CSMD3: variants seen among roughly 807,000 people sequenced by gnomAD.
CSMD3 encodes CUB and sushi domain-containing protein 3.
Under a neutral mutation model 435.2 loss-of-function variants are expected in CSMD3, and 177 were observed. That is an observed-to-expected ratio of 0.41 (90% CI 0.36 to 0.46). The LOEUF (loss-of-function observed/expected upper bound fraction) is 0.46, where lower values mean the gene tolerates loss of function less well. CSMD3 is among the 20% of genes least tolerant of loss of function. The probability of loss-of-function intolerance (pLI) is 0.34; values close to 1 mark genes in which losing one functional copy is unlikely to be tolerated. For synonymous variants in CSMD3, 1,656 were observed against 1,520.5 expected, an observed-to-expected ratio of 1.09 and a Z score of -2.07; for missense variants, 4,265 against 4,504.6, an observed-to-expected ratio of 0.95 and a Z score of 1.52.
intron 9 of CSMD3, among the ~76,000 whole-genome samples, chr8:112,935,929 A>G (rs1011939035): frequency 6.6e-6 from 1 of 152,110 alleles, no homozygotes; most frequent in African/African-American, 2.4e-5. Flanking sequence ...AGTGGCTTGC[A>G]TTAGGAAGGT....
chr8:112,983,378 A>G (rs144448507), intron 6 of CSMD3, among the ~76,000 whole-genome samples: 59 of 151,752 alleles, frequency 3.9e-4, no homozygotes, highest in African/African-American at 1.2e-3. Flanking sequence ...TGCCTAAAAT[A>G]TACATAAGCC....
chr8:113,292,034 A>G (rs2093689935), intron 2 of CSMD3, among the ~76,000 whole-genome samples: 1 of 151,786 alleles, frequency 6.6e-6, no homozygotes, highest in African/African-American at 2.4e-5. Context: ...GCATTTTACC[A>G]TATTTTATAA....
chr8:112,663,551 G>T (rs1414916332), intron 17 of CSMD3, among the ~76,000 whole-genome samples: 1 of 151,750 alleles, frequency 6.6e-6, no homozygotes, highest in Non-Finnish European at 1.5e-5. Flanking sequence ...ACAAGTTAAT[G>T]GGTGCAGCAT....
At position 113,075,847 on chromosome 8, in the gene CSMD3, G is replaced by A. The variant is rs556526476; in HGVS notation, c.917+22909C>T. On this transcript the variant is annotated intron_variant, in intron 5 of 70. Transcript: ENST00000297405. Reference sequence around the variant, plus strand: ...TGTTATAAATAATAATATACTTAAAGAATGCACCAGTGATATCCTGCAAAG... The same window carrying A: ...TGTTATAAATAATAATATACTTAAAAAATGCACCAGTGATATCCTGCAAAG... Among the ~76,000 whole-genome samples the A allele has an allele frequency of 1.3e-4, 20 of 151,784 alleles. No individual in the cohort carries two copies. In the East Asian group the frequency reaches 3.9e-3, roughly 29 times the overall value.
intron 38 of CSMD3, among the ~76,000 whole-genome samples, chr8:112,357,849 T>C (rs1484712492): frequency 6.6e-6 from 1 of 152,112 alleles, no homozygotes; most frequent in East Asian, 1.9e-4. Context: ...GATAGGGTAG[T>C]GTGGAAGGGA....
At position 112,552,725 on chromosome 8, in the gene CSMD3, T is replaced by TA. The variant is rs752300047; in HGVS notation, c.4235-6dup. 3.1e-6 allele frequency: 5 copies of TA among 1,609,630 alleles called. No homozygotes were observed. In the African/African-American group the frequency reaches 5.3e-5, roughly 17 times the overall value. ...TAAAACGACCTCCACATTCAGCTGATAAAAAATAATAGAAATTTAAGCCAC... is the reference window on the plus strand; with the variant it reads ...TAAAACGACCTCCACATTCAGCTGATAAAAAAATAATAGAAATTTAAGCCAC... On this transcript the variant is annotated splice_polypyrimidine_tract_variant and splice_region_variant and intron_variant, in intron 25 of 70. Transcript: ENST00000297405.
intron 6 of CSMD3, among the ~76,000 whole-genome samples, chr8:113,010,966 T>C (rs953023854): frequency 6.6e-6 from 1 of 151,674 alleles, no homozygotes; most frequent in African/African-American, 2.4e-5. Flanking sequence ...TTCTTTATAC[T>C]TTCCTGCTGT....
At chr8:113,029,155 A>ATT (rs2131226336) in intron 5 of CSMD3, among the ~76,000 whole-genome samples, 1 of 151,650 alleles carries the variant, frequency 6.6e-6, no homozygotes, top group African/African-American at 2.4e-5. Context: ...GTACTCAAAA[A>ATT]TAGTCCAGGA....
Position 112,732,044 on chromosome 8 carries a change from C to T in CSMD3, c.1973-41994G>A, listed in dbSNP as rs192529941. Among the ~76,000 whole-genome samples the T allele has an allele frequency of 2.0e-5, 3 of 151,846 alleles. No individual in the cohort carries two copies. In the East Asian group the frequency reaches 5.8e-4, roughly 29 times the overall value. On this transcript the variant is annotated intron_variant, in intron 13 of 70. Coordinates refer to ENST00000297405, the MANE Select transcript of CSMD3 (RefSeq NM_198123.2). Reference sequence around the variant, plus strand: ...TAGTCGTGTTGATTAATTTAAAAGGCATTGTGTGAGTGTGTGTGTGTGTAT... The same window carrying T: ...TAGTCGTGTTGATTAATTTAAAAGGTATTGTGTGAGTGTGTGTGTGTGTAT...
chr8:112,573,384 A>G (rs901785971), intron 24 of CSMD3, 117 bp downstream of exon 24: 140 of 922,214 alleles, frequency 1.5e-4, no homozygotes, highest in Admixed American at 5.9e-4. Flanking sequence ...TATATGTAGA[A>G]AGGAGCTGTA....
chr8:112,572,311 A>C (rs1430661493), intron 24 of CSMD3, among the ~76,000 whole-genome samples: 1 of 152,122 alleles, frequency 6.6e-6, no homozygotes, highest in Non-Finnish European at 1.5e-5. Context: ...TTGTTAATTT[A>C]TGTTTAGTTA....
chr8:113,043,214 A>G (rs777957449), intron 5 of CSMD3, among the ~76,000 whole-genome samples: 3 of 152,174 alleles, frequency 2.0e-5, no homozygotes, highest in Non-Finnish European at 4.4e-5. Context: ...TCTAACTTAT[A>G]TTTATGTCTT....
intron 6 of CSMD3, among the ~76,000 whole-genome samples, chr8:112,996,624 G>A (rs1008811007): frequency 6.6e-6 from 1 of 151,574 alleles, no homozygotes; most frequent in African/African-American, 2.4e-5. Context: ...ATATTTTGAA[G>A]AGAGTTTTGA....
At chr8:112,678,096 T>C (rs533402256) in intron 16 of CSMD3, among the ~76,000 whole-genome samples, 2 of 152,282 alleles carry the variant, frequency 1.3e-5, no homozygotes, top group South Asian at 2.1e-4. Flanking sequence ...ATTGGGAGGG[T>C]AGCCTGCTTC....
intron 10 of CSMD3, among the ~76,000 whole-genome samples, chr8:112,917,711 C>T (rs989196553): frequency 1.3e-5 from 2 of 151,770 alleles, no homozygotes; most frequent in Non-Finnish European, 2.9e-5. Context: ...GTGATAGTTG[C>T]CGTATTGGAA....
chr8:112,996,098 C>A (rs987234259), intron 6 of CSMD3, among the ~76,000 whole-genome samples: 2 of 151,318 alleles, frequency 1.3e-5, no homozygotes, highest in Non-Finnish European at 3.0e-5. Flanking sequence ...ATATACTTGT[C>A]ATTTTATGTG....
chr8:112,818,721 T>C (rs1186910847), intron 12 of CSMD3, among the ~76,000 whole-genome samples: 2 of 152,184 alleles, frequency 1.3e-5, no homozygotes, highest in Non-Finnish European at 2.9e-5. Context: ...GTTTAACTCT[T>C]GCTCAGGAAT....
chr8:112,476,015 A>G (rs1168876749), intron 31 of CSMD3, among the ~76,000 whole-genome samples: 1 of 152,172 alleles, frequency 6.6e-6, no homozygotes, highest in African/African-American at 2.4e-5. Context: ...TTATGTAGTT[A>G]ATAAATCCAT....
chr8:112,605,002 T>C (rs1306408684), intron 22 of CSMD3, among the ~76,000 whole-genome samples: 1 of 152,126 alleles, frequency 6.6e-6, no homozygotes, highest in African/African-American at 2.4e-5. Context: ...AAAGAAGACA[T>C]AAATGTGGCC....
Sources: gnomAD v4.1 joint callset for allele counts (sites outside exome capture counted in the v4.1 genomes callset) on GRCh38, gnomAD v4.1.1 for gene constraint, MANE v1.5 for transcripts, NCBI Gene and HGNC (gene_info 2026-07-23, HGNC 2026-07-21) for gene names.